The following RAD51B variants were observed in gnomAD, a reference collection of about 807,000 sequenced individuals.
RAD51B encodes DNA repair protein RAD51 homolog 2.
A neutral mutation model predicts 42.2 loss-of-function variants in RAD51B; 38 were observed. That is an observed-to-expected ratio of 0.90 (90% CI 0.70 to 1.18). RAD51B has a LOEUF of 1.18. Among genes scored for constraint, RAD51B ranks in the 50% most tolerant of loss-of-function variants. The pLI is 0.00. For missense variants in RAD51B, 373 were observed against 400.7 expected (o/e 0.93, Z 0.59); for synonymous variants, 154 against 145.2 (o/e 1.06, Z -0.43).
intron 7 of RAD51B, among the ~76,000 whole-genome samples, chr14:67,911,689 A>G (rs2043984887): frequency 6.6e-6 from 1 of 152,094 alleles, no homozygotes; most frequent in African/African-American, 2.4e-5. Context: ...ACTCTTTACT[A>G]CTTGTGGTAA....
At chr14:68,258,422 C>T (rs2080801994) in intron 7 of RAD51B, among the ~76,000 whole-genome samples, 1 of 148,926 alleles carries the variant, frequency 6.7e-6, no homozygotes, top group African/African-American at 2.5e-5. Context: ...CACACACACA[C>T]ACACACACAC....
chr14:68,650,831 G>C (rs1892685118), exon 11 of RAD51B: 1 of 760,222 alleles, frequency 1.3e-6, no homozygotes, highest in African/African-American at 1.7e-5. Context: ...CAGACTAAAA[G>C]AAAATGAGTC....
At position 68,426,268 on chromosome 14, in the gene RAD51B, G is replaced by A. The variant is rs1445393123; in HGVS notation, c.957+14741G>A. On this transcript the variant is annotated intron_variant, in intron 9 of 10. Coordinates refer to ENST00000471583, the MANE Select transcript of RAD51B (RefSeq NM_133510.4). The stretch of plus-strand genomic sequence containing the variant: ...TTTTTTTTTTTTTGGTAGAGACGGG[G>A]TTTCTCTATGTTGGTCAGGCTGCTT... Among the ~76,000 whole-genome samples, 4 of 150,370 alleles carry A rather than the reference G, an allele frequency of 2.7e-5. No individual in the cohort carries two copies. The South Asian group carries it at 6.3e-4, about 24-fold the overall frequency.
intron 7 of RAD51B, among the ~76,000 whole-genome samples, chr14:67,985,801 T>C (rs2075177379): frequency 6.6e-6 from 1 of 151,780 alleles, no homozygotes; most frequent in Non-Finnish European, 1.5e-5. Context: ...TCCCAGCTAC[T>C]TGGGAGGCTG....
At chr14:68,125,575 G>A (rs1430971862) in intron 7 of RAD51B, among the ~76,000 whole-genome samples, 9 of 152,278 alleles carry the variant, frequency 5.9e-5, no homozygotes, top group Admixed American at 3.3e-4. Context: ...TGTGAGCAGT[G>A]GCAGAGCACT....
At chr14:68,004,215 C>T (rs2075538708) in intron 7 of RAD51B, among the ~76,000 whole-genome samples, 1 of 151,608 alleles carries the variant, frequency 6.6e-6, no homozygotes, top group South Asian at 2.1e-4. Flanking sequence ...TGCCTGTAGT[C>T]CCAGCTACTC....
At chr14:68,002,586 A>T (rs748359681) in intron 7 of RAD51B, among the ~76,000 whole-genome samples, 29 of 152,134 alleles carry the variant, frequency 1.9e-4, no homozygotes, top group Non-Finnish European at 3.7e-4. Flanking sequence ...TGGCATCTTC[A>T]TCATGAAATC....
chr14:68,395,986 A>G (rs768400114), intron 8 of RAD51B, among the ~76,000 whole-genome samples: 1 of 152,202 alleles, frequency 6.6e-6, no homozygotes, highest in Non-Finnish European at 1.5e-5. Flanking sequence ...GGATGTACCA[A>G]GAATCCACCG....
chr14:68,258,216 A>T (rs923410016), intron 7 of RAD51B, among the ~76,000 whole-genome samples: 1 of 152,120 alleles, frequency 6.6e-6, no homozygotes, highest in Non-Finnish European at 1.5e-5. Flanking sequence ...AGCCTGGGCA[A>T]TATAGTGAGA....
chr14:68,652,955 A>G (rs1892732361), intron 11 of RAD51B, among the ~76,000 whole-genome samples: 1 of 152,248 alleles, frequency 6.6e-6, no homozygotes, highest in African/African-American at 2.4e-5. Flanking sequence ...TGCTACAGTA[A>G]TGATGTGTGT....
At chr14:67,923,349 G>C (rs1320596770) in intron 7 of RAD51B, among the ~76,000 whole-genome samples, 1 of 146,636 alleles carries the variant, frequency 6.8e-6, no homozygotes, top group Non-Finnish European at 1.5e-5. Context: ...GCCCAGGCTG[G>C]AATGCAATGG....
At chr14:68,257,009 A>G (rs1006628217) in intron 7 of RAD51B, among the ~76,000 whole-genome samples, 17 of 152,246 alleles carry the variant, frequency 1.1e-4, no homozygotes, top group African/African-American at 3.6e-4. Context: ...TAAAAAGGCA[A>G]TTACAGAATG....
At chr14:68,573,188 C>G (rs891024680) in intron 10 of RAD51B, among the ~76,000 whole-genome samples, 1 of 152,174 alleles carries the variant, frequency 6.6e-6, no homozygotes, top group Admixed American at 6.5e-5. Context: ...ACCTCACTCA[C>G]AGCCTTCCAG....
chr14:68,280,916 G>A (rs1234496364), intron 7 of RAD51B, among the ~76,000 whole-genome samples: 3 of 152,116 alleles, frequency 2.0e-5, no homozygotes, highest in Non-Finnish European at 4.4e-5. Context: ...CATTGGCCGG[G>A]TGTGGTGGTG....
At chr14:68,159,265 A>C (rs1291802295) in intron 7 of RAD51B, among the ~76,000 whole-genome samples, 2 of 152,106 alleles carry the variant, frequency 1.3e-5, no homozygotes, top group Non-Finnish European at 2.9e-5. Context: ...TTTGTATTAA[A>C]AAGTTAAAAT....
chr14:68,290,632 T>G (rs1180310460), intron 7 of RAD51B, among the ~76,000 whole-genome samples: 1 of 152,214 alleles, frequency 6.6e-6, no homozygotes, highest in Non-Finnish European at 1.5e-5. Flanking sequence ...GACTTTTTTT[T>G]GTTAGAATTT....
intron 7 of RAD51B, among the ~76,000 whole-genome samples, chr14:68,057,822 T>TGC (rs2076502161): frequency 1.6e-3 from 1 of 630 alleles, no homozygotes; most frequent in African/African-American, 4.8e-3. Flanking sequence ...TTTAGTTCTT[T>TGC]GTGTGTGTGT....
intron 7 of RAD51B, among the ~76,000 whole-genome samples, chr14:68,017,232 G>T (rs973744497): frequency 1.3e-5 from 2 of 151,894 alleles, no homozygotes; most frequent in African/African-American, 4.8e-5. Flanking sequence ...ATCTCATTCT[G>T]TTACCCAGGC....
At chr14:68,256,084 G>A (rs1467053129) in intron 7 of RAD51B, among the ~76,000 whole-genome samples, 2 of 152,210 alleles carry the variant, frequency 1.3e-5, no homozygotes, top group Admixed American at 6.5e-5. Context: ...GTGGTCAGTG[G>A]AAGAAATATG....
Sources: allele counts gnomAD v4.1 joint callset (sites outside exome capture counted in the v4.1 genomes callset), GRCh38; gene constraint gnomAD v4.1.1; transcripts MANE v1.5; gene names NCBI Gene and HGNC (gene_info 2026-07-23, HGNC 2026-07-21).